Variants in KIF18A observed in about 807,000 individuals in gnomAD.
KIF18A encodes kinesin-like protein KIF18A.
KIF18A carries 67 observed loss-of-function variants against 103.3 expected under a neutral mutation model. The ratio of observed to expected loss-of-function variants is 0.65; its 90% confidence interval spans 0.53 to 0.79. The LOEUF (loss-of-function observed/expected upper bound fraction) is 0.79, where lower values mean the gene tolerates loss of function less well. KIF18A is among the 30% of genes least tolerant of loss of function. The pLI is 0.00. For missense variants in KIF18A, 1,032 were observed against 1,062.5 expected (o/e 0.97, Z 0.40); for synonymous variants, 367 against 355.5 (o/e 1.03, Z -0.36).
At chr11:28,096,589 T>C (rs761371112) in intron 2 of KIF18A, among the ~76,000 whole-genome samples, 8 of 152,170 alleles carry the variant, frequency 5.3e-5, no homozygotes, top group African/African-American at 1.7e-4. Flanking sequence ...TCTAGAGACA[T>C]ATGAAGTTTC....
At position 28,036,560 on chromosome 11, in the gene KIF18A, G is replaced by C. The variant is rs754820459; in HGVS notation, c.2053C>G (p.Pro685Ala). ...TTGAGCTGCACACTTTGAGATGGTG[G>C]AGACTTTAGAGTATGCTGTCCTTTC... The part of the protein sequence containing the change: ...PLKGQHTLKS[P>A]PSQSVQLNDS... Residue 685 changes from proline (P) to alanine (A), a missense_variant, in exon 14 of 17, where the codon CCA (proline) becomes GCA (alanine). By Grantham distance (27) the Pro-to-Ala change is conservative. Coordinates refer to ENST00000263181, the MANE Select transcript of KIF18A (RefSeq NM_031217.4). 3.1e-6 allele frequency: 5 copies of C among 1,610,798 alleles called. No individual in the cohort carries two copies. The South Asian group carries it at 5.5e-5, about 18-fold the overall frequency.
chr11:28,031,746 C>T (rs1330305862), intron 15 of KIF18A, among the ~76,000 whole-genome samples: 1 of 151,192 alleles, frequency 6.6e-6, no homozygotes, highest in Non-Finnish European at 1.5e-5. Flanking sequence ...AAAAGCCATA[C>T]ACGACAGACC....
At chr11:28,083,077 A>C (rs1034504124) in intron 8 of KIF18A, 92 bp downstream of exon 8, 28 of 1,490,556 alleles carry the variant, frequency 1.9e-5, no homozygotes, top group Non-Finnish European at 2.4e-5. Flanking sequence ...ATTTTAATAG[A>C]AAAATATGTT....
chr11:28,071,491 T>C (rs910597480), intron 10 of KIF18A, among the ~76,000 whole-genome samples: 1 of 149,060 alleles, frequency 6.7e-6, no homozygotes, highest in Non-Finnish European at 1.5e-5. Flanking sequence ...CTATTTATTA[T>C]ATTTTATTAA....
intron 9 of KIF18A, among the ~76,000 whole-genome samples, chr11:28,077,382 CTCACCCAAGGAAGATCATGT>C (rs2133547380): frequency 6.6e-6 from 1 of 152,262 alleles, no homozygotes; most frequent in Non-Finnish European, 1.5e-5. Flanking sequence ...AGGTTTCTTT[CTCACCCAAGGAAGATCATGT>C]TGCTGAAAGA....
chr11:28,107,271 T>C (rs1231364562), intron 1 of KIF18A, among the ~76,000 whole-genome samples: 3 of 152,030 alleles, frequency 2.0e-5, no homozygotes, highest in Non-Finnish European at 2.9e-5. Context: ...ATCTAAACTA[T>C]ATATTATACC....
At chr11:28,021,680 T>G (rs1850247605) in intron 16 of KIF18A, among the ~76,000 whole-genome samples, 1 of 152,202 alleles carries the variant, frequency 6.6e-6, no homozygotes, top group Non-Finnish European at 1.5e-5. Context: ...CTTCCATATT[T>G]TTCCAATTTT....
At chr11:28,027,408 C>T (rs566292334) in intron 15 of KIF18A, among the ~76,000 whole-genome samples, 39 of 151,528 alleles carry the variant, frequency 2.6e-4, no homozygotes, top group Non-Finnish European at 4.9e-4. Context: ...TATATTAACC[C>T]GGCTTTTGGT....
intron 10 of KIF18A, 113 bp downstream of exon 10, chr11:28,076,894 A>ACC (rs1410461075): frequency 1.3e-4 from 66 of 526,016 alleles, no homozygotes; most frequent in South Asian, 5.6e-5. Context: ...AGGTTGTGCC[A>ACC]CTGCACTCCA....
intron 13 of KIF18A, among the ~76,000 whole-genome samples, chr11:28,044,305 C>T (rs372477965): frequency 2.0e-5 from 3 of 151,752 alleles, no homozygotes; most frequent in South Asian, 2.1e-4. Context: ...CCATATACCC[C>T]CTAAATGGAA....
chr11:28,038,416 A>G (rs1850520679), intron 13 of KIF18A, among the ~76,000 whole-genome samples: 1 of 151,648 alleles, frequency 6.6e-6, no homozygotes, highest in Non-Finnish European at 1.5e-5. Flanking sequence ...GGTGTCTGAC[A>G]TGAAATACCT....
intron 1 of KIF18A, among the ~76,000 whole-genome samples, chr11:28,105,184 T>C (rs1477342591): frequency 6.6e-6 from 1 of 152,166 alleles, no homozygotes; most frequent in South Asian, 2.1e-4. Context: ...ACCTATGACA[T>C]AAACCCTGTA....
chr11:28,054,948 T>TAA (rs1850759511), intron 13 of KIF18A, among the ~76,000 whole-genome samples: 2 of 152,204 alleles, frequency 1.3e-5, no homozygotes, highest in Non-Finnish European at 2.9e-5. Context: ...TATAGATTTT[T>TAA]AAATAAGGAA....
At chr11:28,028,396 A>G (rs1389217072) in intron 15 of KIF18A, among the ~76,000 whole-genome samples, 2 of 152,140 alleles carry the variant, frequency 1.3e-5, no homozygotes, top group Admixed American at 6.6e-5. Flanking sequence ...ACTCAACTAC[A>G]TGGAAACTGA....
intron 13 of KIF18A, among the ~76,000 whole-genome samples, chr11:28,049,081 A>T (rs750493747): frequency 6.6e-6 from 1 of 152,054 alleles, no homozygotes; most frequent in Non-Finnish European, 1.5e-5. Flanking sequence ...GAAAGAGACA[A>T]GAGAAATTAA....
chr11:28,072,712 CA>C (rs1851036874), intron 10 of KIF18A, among the ~76,000 whole-genome samples: 2 of 145,372 alleles, frequency 1.4e-5, no homozygotes, highest in Admixed American at 1.4e-4. Flanking sequence ...TCAGAAAAGG[CA>C]ATTGGGTTGA....
At chr11:28,058,111 TTGTC>T (rs999548897) in intron 13 of KIF18A, among the ~76,000 whole-genome samples, 6 of 152,138 alleles carry the variant, frequency 3.9e-5, no homozygotes, top group Non-Finnish European at 8.8e-5. Flanking sequence ...TTCTTCTACA[TTGTC>T]TGAATTTTTT....
At chr11:28,096,555 T>C (rs1182115980) in intron 2 of KIF18A, among the ~76,000 whole-genome samples, 1 of 152,108 alleles carries the variant, frequency 6.6e-6, no homozygotes, top group East Asian at 1.9e-4. Flanking sequence ...CTTTTTTTCT[T>C]AGAGTTAAGA....
rs574401278 is a variant in KIF18A at position 28,091,153 on chromosome 11, C to A, written c.588+256G>T. 3.4e-5 allele frequency among the ~76,000 whole-genome samples: 5 copies of A among 146,210 alleles called. No individual in the cohort carries two copies. In the South Asian group the frequency reaches 8.5e-4, roughly 25 times the overall value. The stretch of plus-strand genomic sequence containing the variant: ...AAATAAATAAATAAATAAATAAATA[C>A]ATACATACATACATACATACATACA... On this transcript the variant is annotated intron_variant, in intron 4 of 16. Transcript: ENST00000263181.
Sources: allele counts gnomAD v4.1 joint callset (sites outside exome capture counted in the v4.1 genomes callset), GRCh38; gene constraint gnomAD v4.1.1; transcripts MANE v1.5; gene names NCBI Gene and HGNC (gene_info 2026-07-23, HGNC 2026-07-21).